The following MAPRE3 variants were observed in gnomAD, a reference collection of about 807,000 sequenced individuals.
MAPRE3 encodes microtubule associated protein RP/EB family member 3, also known as microtubule-associated protein RP/EB family member 3.
Under a neutral mutation model 30.5 loss-of-function variants are expected in MAPRE3, and 2 were observed. That is an observed-to-expected ratio of 0.07 (90% CI 0.03 to 0.21). The LOEUF (loss-of-function observed/expected upper bound fraction) is 0.21. Ranked by LOEUF, MAPRE3 falls within the 10% of genes least tolerant of loss-of-function variation. The probability of loss-of-function intolerance (pLI) is 1.00; values close to 1 mark genes in which losing one functional copy is unlikely to be tolerated. For missense variants in MAPRE3, 204 were observed against 351.8 expected (o/e 0.58, Z 3.36); for synonymous variants, 110 against 127.7 (o/e 0.86, Z 0.93).
At chr2:26,999,285 A>G (rs1666533762) in intron 1 of MAPRE3, among the ~76,000 whole-genome samples, 1 of 152,100 alleles carries the variant, frequency 6.6e-6, no homozygotes, top group African/African-American at 2.4e-5. Flanking sequence ...GAGTAGCAGG[A>G]AAAGTTGAAA....
intron 4 of MAPRE3, 67 bp downstream of exon 4, chr2:27,024,364 G>GCC: frequency 7.0e-7 from 1 of 1,434,144 alleles, no homozygotes; most frequent in Admixed American, 2.4e-5. Context: ...AGCCAGGAGT[G>GCC]CCCCCTGGGC....
chr2:27,001,474 C>T (rs1666593088), intron 1 of MAPRE3, among the ~76,000 whole-genome samples: 1 of 152,048 alleles, frequency 6.6e-6, no homozygotes, highest in South Asian at 2.1e-4. Flanking sequence ...CCACTGAACT[C>T]CAGTGTGGGT....
chr2:27,020,481 T>C (rs1667086980), intron 1 of MAPRE3, among the ~76,000 whole-genome samples: 1 of 152,336 alleles, frequency 6.6e-6, no homozygotes, highest in Admixed American at 6.5e-5. Context: ...ACAAGAAATA[T>C]GTCCTTTTCT....
intron 1 of MAPRE3, chr2:26,984,940 G>A (rs1336939970): frequency 6.6e-6 from 1 of 152,202 alleles, no homozygotes; most frequent in Non-Finnish European, 1.5e-5. Context: ...ACCCCTAGGA[G>A]ATGCTTTCAC....
At position 27,005,411 on chromosome 2, in the gene MAPRE3, C is replaced by T. The variant is rs748282607; in HGVS notation, c.-7-16801C>T. On this transcript the variant is annotated intron_variant, in intron 1 of 6. Transcript: ENST00000233121. ...TGCTCTTCCTGCAGTTTTCTCCATC[C>T]TTCCAGTGGCTTGGGCAAGAAACTT... Among the ~76,000 whole-genome samples, 9 of 152,316 alleles carry T rather than the reference C, an allele frequency of 5.9e-5. No homozygotes were observed. In the East Asian group the frequency reaches 1.3e-3, roughly 23 times the overall value.
At chr2:26,992,391 TA>T (rs748015317) in intron 1 of MAPRE3, among the ~76,000 whole-genome samples, 2 of 95,910 alleles carry the variant, frequency 2.1e-5, no homozygotes, top group Non-Finnish European at 4.7e-5. Context: ...CACGCCTGGC[TA>T]ATTTTGTAAT....
At position 26,992,776 on chromosome 2, in the gene MAPRE3, A is replaced by G. The variant is rs565004673; in HGVS notation, c.-8+21974A>G. Among the ~76,000 whole-genome samples, 28 of 152,320 alleles carry G rather than the reference A, an allele frequency of 1.8e-4. 1 individual carries two copies. The highest frequency in any genetic ancestry group is 6.3e-4 in the African/African-American group (26 of 41,552). ...ATAAAACTAGAATCAAATAGGATCA[A>G]TTGCATCTTACTCATTGATATCCTT... On this transcript the variant is annotated intron_variant, in intron 1 of 6. Coordinates refer to ENST00000233121, the MANE Select transcript of MAPRE3 (RefSeq NM_012326.4).
intron 1 of MAPRE3, among the ~76,000 whole-genome samples, chr2:26,977,544 C>T (rs1666038166): frequency 6.6e-6 from 1 of 152,162 alleles, no homozygotes; most frequent in Non-Finnish European, 1.5e-5. Flanking sequence ...AAAGACTCTG[C>T]CCAGGCCCAC....
intron 1 of MAPRE3, among the ~76,000 whole-genome samples, chr2:26,996,239 A>G (rs934691022): frequency 1.3e-5 from 2 of 151,328 alleles, no homozygotes; most frequent in Non-Finnish European, 2.9e-5. Flanking sequence ...TGCAGCCTGG[A>G]TCTCCCGGGC....
In MAPRE3 at chr2:27,019,687, TA is replaced by T. The variant is rs533545036; in HGVS notation, c.-7-2523del. Among the ~76,000 whole-genome samples the T allele has an allele frequency of 5.0e-3, 764 of 152,340 alleles. 6 individuals carry two copies. The highest frequency in any genetic ancestry group is 8.2e-3 in the Non-Finnish European group (555 of 68,026). On this transcript the variant is annotated intron_variant, in intron 1 of 6. Coordinates refer to ENST00000233121, the MANE Select transcript of MAPRE3 (RefSeq NM_012326.4). Reference sequence around the variant, plus strand: ...GAGTCTTTAGGCGCTCCCAAGACAATAATTCATTTCTGTTTCTCTTGGCTTT... The same window carrying T: ...GAGTCTTTAGGCGCTCCCAAGACAATATTCATTTCTGTTTCTCTTGGCTTT...
intron 1 of MAPRE3, among the ~76,000 whole-genome samples, chr2:27,003,374 A>G (rs948658558): frequency 6.6e-6 from 1 of 152,150 alleles, no homozygotes; most frequent in Admixed American, 6.5e-5. Context: ...CCCCTCTAAA[A>G]TCAGAAAAAA....
chr2:27,023,555 T>C (rs940871970), intron 3 of MAPRE3, 78 bp downstream of exon 3: 2 of 1,556,462 alleles, frequency 1.3e-6, no homozygotes, highest in Non-Finnish European at 1.8e-6. Flanking sequence ...CCCAGGCAAC[T>C]GGGGCTGCTG....
intron 1 of MAPRE3, among the ~76,000 whole-genome samples, chr2:26,988,343 C>T (rs1288178562): frequency 1.3e-5 from 2 of 152,090 alleles, no homozygotes; most frequent in Admixed American, 1.3e-4. Flanking sequence ...TATATCAGAG[C>T]ATCAAGAACA....
At chr2:26,981,701 G>C (rs1011572283) in intron 1 of MAPRE3, among the ~76,000 whole-genome samples, 3 of 152,162 alleles carry the variant, frequency 2.0e-5, no homozygotes, top group Non-Finnish European at 4.4e-5. Context: ...AGCCTACCTT[G>C]AAAAGGTGCT....
chr2:27,005,531 C>T (rs545795565), intron 1 of MAPRE3, among the ~76,000 whole-genome samples: 15 of 152,350 alleles, frequency 9.8e-5, no homozygotes, highest in African/African-American at 3.6e-4. Flanking sequence ...TCCAGGCCTT[C>T]TGCAAAGCAT....
intron 1 of MAPRE3, among the ~76,000 whole-genome samples, chr2:26,988,317 G>GT (rs35273521): frequency 2.6e-5 from 4 of 151,924 alleles, no homozygotes; most frequent in Non-Finnish European, 4.4e-5. Context: ...TCTCTAGCTT[G>GT]TTTTTTTTCA....
chr2:27,013,437 C>T (rs1427299509), intron 1 of MAPRE3: 1 of 152,238 alleles, frequency 6.6e-6, no homozygotes, highest in African/African-American at 2.4e-5. Context: ...ATTCTCCTCT[C>T]CTTGCTTCTC....
intron 1 of MAPRE3, among the ~76,000 whole-genome samples, chr2:26,987,736 G>T (rs1666253736): frequency 6.6e-6 from 1 of 152,202 alleles, no homozygotes; most frequent in Non-Finnish European, 1.5e-5. Context: ...AGGGATCAGA[G>T]AAGAATCTTA....
intron 1 of MAPRE3, among the ~76,000 whole-genome samples, chr2:26,991,538 C>T (rs1666343795): frequency 6.6e-6 from 1 of 152,200 alleles, no homozygotes; most frequent in Non-Finnish European, 1.5e-5. Context: ...CAAATCCCTA[C>T]TCCAGTTCTA....
Sources: gnomAD v4.1 joint callset for allele counts (sites outside exome capture counted in the v4.1 genomes callset) on GRCh38, gnomAD v4.1.1 for gene constraint, MANE v1.5 for transcripts, NCBI Gene and HGNC (gene_info 2026-07-23, HGNC 2026-07-21) for gene names.